SLC12A7: variants seen among roughly 807,000 people sequenced by gnomAD.
The protein encoded by SLC12A7 is solute carrier family 12 member 7.
In SLC12A7, 100 loss-of-function variants were observed where a neutral mutation model predicts 120.6. The observed-to-expected ratio is 0.83, with a 90% confidence interval of 0.71 to 0.98. SLC12A7 has a LOEUF of 0.98. Among genes scored for constraint, SLC12A7 ranks in the 50% least tolerant of loss-of-function variants. The pLI is 0.00. For synonymous variants in SLC12A7, 760 were observed against 678.0 expected, an observed-to-expected ratio of 1.12 and a Z score of -1.88; for missense variants, 1,373 against 1,548.1, an observed-to-expected ratio of 0.89 and a Z score of 1.90.
chr5:1,057,934 G>A (rs1450298379), intron 21 of SLC12A7, among the ~76,000 whole-genome samples: 1 of 152,226 alleles, frequency 6.6e-6, no homozygotes, highest in Non-Finnish European at 1.5e-5. Flanking sequence ...GACACGTGCT[G>A]GCAGAGTCTC....
intron 13 of SLC12A7, 75 bp downstream of exon 13, chr5:1,076,619 G>T: frequency 9.2e-7 from 1 of 1,091,540 alleles, no homozygotes; most frequent in Non-Finnish European, 1.4e-6. Flanking sequence ...GTCCTGAGCA[G>T]GACCTCCCAT....
intron 9 of SLC12A7, among the ~76,000 whole-genome samples, chr5:1,081,059 C>A (rs1739026542): frequency 2.3e-5 from 1 of 44,426 alleles, no homozygotes; most frequent in Admixed American, 3.9e-4. Flanking sequence ...AAGAGGGAGA[C>A]AGAGAGAGAG....
chr5:1,083,130 CGGGTTCTGGG>C (rs1739399186), intron 8 of SLC12A7, among the ~76,000 whole-genome samples: 2 of 55,710 alleles, frequency 3.6e-5, no homozygotes, highest in Non-Finnish European at 9.6e-5. Flanking sequence ...TTCCCCATCT[CGGGTTCTGGG>C]AAGTCCAGGC....
intron 18 of SLC12A7, 25 bp downstream of exon 18, chr5:1,065,257 GC>G: frequency 6.6e-7 from 1 of 1,522,156 alleles, no homozygotes; most frequent in Non-Finnish European, 8.9e-7. Context: ...GTGAGGGGAT[GC>G]CGAAGGGCCG....
rs547760173 is a variant in SLC12A7, at chr5:1,077,195, G to A, written c.1630-383C>T. ...AGAAGCTGAGGCCCACGGGGCCTGT[G>A]TGCCTGTCCCCTTCCTGGACACCAT... is the stretch of plus-strand genomic sequence containing the variant. On this transcript the variant is annotated intron_variant, in intron 12 of 23. Transcript: ENST00000264930. Among the ~76,000 whole-genome samples, 405 of 152,344 alleles carry A rather than the reference G, an allele frequency of 2.7e-3. 1 individual carries two copies. The highest frequency in any genetic ancestry group is 9.4e-3 in the African/African-American group (390 of 41,588).
At chr5:1,133,053 G>A in the SLC12A7 span, among the ~76,000 whole-genome samples, 1 of 152,162 alleles carries the variant, frequency 6.6e-6, no homozygotes, top group Non-Finnish European at 1.5e-5. Context: ...AAGTAGCTGG[G>A]ATTACAGGCG....
At chr5:1,075,348 T>C in intron 15 of SLC12A7, 23 bp downstream of exon 15, 1 of 1,604,522 alleles carries the variant, frequency 6.2e-7, no homozygotes, top group East Asian at 2.2e-5. Context: ...GCCGGGTCTG[T>C]AAGGGGGGCT....
intron 1 of SLC12A7, among the ~76,000 whole-genome samples, chr5:1,102,888 C>T (rs1742153823): frequency 6.6e-6 from 1 of 152,182 alleles, no homozygotes; most frequent in Admixed American, 6.5e-5. Context: ...CACCCAACCC[C>T]ACTGCCTGGA....
the SLC12A7 span, among the ~76,000 whole-genome samples, chr5:1,126,603 CCA>C: frequency 6.6e-6 from 1 of 152,002 alleles, no homozygotes; most frequent in Non-Finnish European, 1.5e-5. Flanking sequence ...AACCTAGTAC[CCA>C]TTAGTTATCT....
chr5:1,078,063 C>A lies in SLC12A7; in HGVS notation c.1455-56G>T, dbSNP rs1016435170. 25 of 1,507,358 alleles carry A rather than the reference C, an allele frequency of 1.7e-5. No homozygotes were observed. In the Admixed American group the frequency reaches 3.9e-4, roughly 24 times the overall value. 93.4% of individuals were successfully genotyped at this position (1,507,358 alleles called of 1,614,324 possible). On this transcript the variant is annotated intron_variant, in intron 11 of 23. Coordinates refer to ENST00000264930, the MANE Select transcript of SLC12A7 (RefSeq NM_006598.3). ...CTTTCAGAAGTGAGCCTGAGTCAGA[C>A]AAAATGTCTTCTCCCACCCAGAGCG...
chr5:1,112,891 A>C (rs1458930941), upstream of SLC12A7, among the ~76,000 whole-genome samples: 4 of 116,344 alleles, frequency 3.4e-5, no homozygotes, highest in Non-Finnish European at 6.8e-5. Flanking sequence ...CACCCATGAC[A>C]AATACCACCC....
intron 6 of SLC12A7, 38 bp from the exon 7 acceptor site, chr5:1,085,511 C>T (rs1739747425): frequency 3.2e-6 from 5 of 1,542,288 alleles, no homozygotes; most frequent in Non-Finnish European, 4.4e-6. Context: ...CGTCCCCGGA[C>T]ACAACTCCCC....
intron 3 of SLC12A7, among the ~76,000 whole-genome samples, chr5:1,092,176 A>G (rs1740599232): frequency 6.6e-6 from 1 of 152,268 alleles, no homozygotes; most frequent in Non-Finnish European, 1.5e-5. Flanking sequence ...GAAATGCAGT[A>G]TTAATTCCGC....
chr5:1,075,746 T>C (rs1250718926), intron 14 of SLC12A7: 1 of 530,796 alleles, frequency 1.9e-6, no homozygotes, highest in Non-Finnish European at 3.3e-6. Flanking sequence ...GCACCTCGGC[T>C]GTGCATGCAA....
intron 7 of SLC12A7, 118 bp from the exon 8 acceptor site, chr5:1,084,074 C>G (rs1739532713): frequency 3.7e-6 from 3 of 803,978 alleles, no homozygotes; most frequent in Non-Finnish European, 4.1e-6. Flanking sequence ...TGGCACCCTG[C>G]ACCTCCCAAG....
intron 21 of SLC12A7, among the ~76,000 whole-genome samples, chr5:1,060,020 C>T (rs1036640279): frequency 6.6e-6 from 1 of 152,230 alleles, no homozygotes; most frequent in Non-Finnish European, 1.5e-5. Context: ...CCTGCCTGCA[C>T]GCTGCTCGGT....
rs1315869911 is a variant in SLC12A7, at chr5:1,057,509, G to A, written c.2988C>T (p.Thr996=). Residue 996 remains threonine, a synonymous_variant, in exon 22 of 24, where the codon ACC becomes ACT. Coordinates refer to ENST00000264930, the MANE Select transcript of SLC12A7 (RefSeq NM_006598.3). ...AGAGGTCTTTGAAACCAGATAGGCT[G>A]GTGTCTCTGCTCCTGTACTTCTCAG... The part of the protein sequence containing the change: ...LIAEKYRSRD[T]SLSGFKDLFS... 3 of 1,613,168 alleles carry A rather than the reference G, an allele frequency of 1.9e-6. No individual in the cohort carries two copies. Among genetic ancestry groups the A allele is most frequent in the South Asian group, 1.1e-5 (1 of 91,062 alleles).
rs377477211 is a variant in SLC12A7, at chr5:1,064,230, G to C, written c.2460C>G (p.Ala820=). The C allele has an allele frequency of 2.5e-6, 4 of 1,611,608 alleles. No individual in the cohort carries two copies. The highest frequency in any genetic ancestry group is 3.3e-5 in the Admixed American group (2 of 59,878). The change falls in exon 19 of 24, where the codon GCC becomes GCG. Residue 820 remains alanine, a synonymous_variant. Transcript: ENST00000264930. ...NFVDTVRDTT[A]AHQALLVAKN... is the part of the protein sequence containing the mutation. ...TGGCCACCAGCAGAGCCTGGTGCGC[G>C]GCGGTGGTGTCGCGGACGGTGTCTG...
At position 1,063,984 on chromosome 5, in the gene SLC12A7, A is replaced by G. The variant is rs748443484; in HGVS notation, c.2608-9T>C. ...CGGCACTTCCTCCACACCTGCAGAC[A>G]GGGAGGGCATGGCTGTGGGGCCTCA... is the stretch of plus-strand genomic sequence containing the variant. On this transcript the variant is annotated splice_polypyrimidine_tract_variant and intron_variant, in intron 19 of 23. Coordinates refer to ENST00000264930, the MANE Select transcript of SLC12A7 (RefSeq NM_006598.3). 3 of 1,611,804 alleles carry G rather than the reference A, an allele frequency of 1.9e-6. No homozygotes were observed. The highest frequency in any genetic ancestry group is 2.5e-6 in the Non-Finnish European group (3 of 1,179,406).
Sources: gnomAD v4.1 joint callset for allele counts (sites outside exome capture counted in the v4.1 genomes callset) on GRCh38, gnomAD v4.1.1 for gene constraint, MANE v1.5 for transcripts, NCBI Gene and HGNC (gene_info 2026-07-23, HGNC 2026-07-21) for gene names.